MB: variants seen among roughly 807,000 people sequenced by gnomAD.
MB encodes the protein nitrite reductase MB.
A neutral mutation model predicts 14.5 loss-of-function variants in MB; 10 were observed. That is an observed-to-expected ratio of 0.69 (90% CI 0.43 to 1.17). The LOEUF (loss-of-function observed/expected upper bound fraction) is 1.17, where lower values mean the gene tolerates loss of function less well. Among genes scored for constraint, MB ranks in the 50% most tolerant of loss-of-function variants. The pLI, the probability that MB is intolerant of heterozygous loss-of-function variation, is 0.00. For missense variants in MB, 169 were observed against 192.7 expected (o/e 0.88, Z 0.73); for synonymous variants, 89 against 78.6 (o/e 1.13, Z -0.70).
At position 35,611,065 on chromosome 22, in the gene MB, T is replaced by G. The variant is rs756184068; in HGVS notation, c.137A>C (p.Lys46Thr). 6.2e-7 allele frequency: 1 copy of G among 1,614,114 alleles called. No individual in the cohort carries two copies. The highest frequency in any genetic ancestry group is 8.5e-7 in the Non-Finnish European group (1 of 1,180,006). ...GHPETLEKFD[K>T]FKHLKSEDEM... Reference sequence around the variant, plus strand: ...GTCCTCTGACTTCAGGTGCTTGAACTTGTCAAACTTCTCCAGAGTCTCTGG... The same window carrying G: ...GTCCTCTGACTTCAGGTGCTTGAACGTGTCAAACTTCTCCAGAGTCTCTGG... Residue 46 changes from lysine (K) to threonine (T), a missense_variant, in exon 2 of 3, where the codon AAG becomes ACG. Coordinates refer to ENST00000397326, the MANE Select transcript of MB (RefSeq NM_005368.3).
chr22:35,619,358 C>T (rs1400908759), upstream of MB, among the ~76,000 whole-genome samples: 3 of 152,214 alleles, frequency 2.0e-5, no homozygotes, highest in Non-Finnish European at 2.9e-5. Flanking sequence ...GCGAGCACCA[C>T]CCCGCTTTAC....
chr22:35,618,782 A>G (rs575344541), upstream of MB, among the ~76,000 whole-genome samples: 1 of 148,848 alleles, frequency 6.7e-6, no homozygotes, highest in East Asian at 2.0e-4. Context: ...CCATCCCTCA[A>G]TTCATTCATC....
intron 2 of MB, among the ~76,000 whole-genome samples, chr22:35,607,647 C>A (rs2145908964): frequency 6.6e-6 from 1 of 152,308 alleles, no homozygotes; most frequent in East Asian, 1.9e-4. Flanking sequence ...TACAACTGCC[C>A]TCGATTTACA....
intron 1 of MB, among the ~76,000 whole-genome samples, chr22:35,613,357 G>A (rs978023184): frequency 1.3e-5 from 2 of 152,192 alleles, no homozygotes; most frequent in East Asian, 1.9e-4. Flanking sequence ...CAGTTCTGGC[G>A]CCAATGTGCT....
chr22:35,622,901 C>T (rs998204949), intron 1 of MB, among the ~76,000 whole-genome samples: 3 of 152,190 alleles, frequency 2.0e-5, no homozygotes, highest in Non-Finnish European at 4.4e-5. Context: ...CCTCCCACCC[C>T]GCTCTACCCA....
chr22:35,617,109 C>G, intron 1 of MB, 54 bp downstream of exon 1: 1 of 1,418,324 alleles, frequency 7.1e-7, no homozygotes, highest in South Asian at 1.1e-5. Context: ...TGCAGCTGAA[C>G]ACCCTTGATC....
intron 2 of MB, 95 bp downstream of exon 2, chr22:35,610,789 C>A: frequency 2.1e-6 from 2 of 959,012 alleles, no homozygotes; most frequent in Non-Finnish European, 1.6e-6. Context: ...GGTCATCCCA[C>A]AAGTTAGTGG....
At chr22:35,611,535 T>G (rs1489925856) in intron 1 of MB, among the ~76,000 whole-genome samples, 1 of 152,146 alleles carries the variant, frequency 6.6e-6, no homozygotes, top group Non-Finnish European at 1.5e-5. Context: ...CTTCAGCTGC[T>G]TAAATACCTC....
At chr22:35,620,924 T>G (rs1025807118), upstream of MB, among the ~76,000 whole-genome samples, 14 of 152,334 alleles carry the variant, frequency 9.2e-5, no homozygotes, top group East Asian at 2.7e-3. Flanking sequence ...CCCCATTAAC[T>G]GGCATGCTCA....
upstream of MB, chr22:35,617,471 G>A (rs552905942): frequency 3.5e-6 from 2 of 572,434 alleles, no homozygotes; most frequent in Admixed American, 3.1e-5. Flanking sequence ...CCTTTCTCTA[G>A]CCCTCACATG....
upstream of MB, chr22:35,617,685 G>C (rs1188229610): frequency 5.8e-6 from 1 of 172,876 alleles, no homozygotes; most frequent in Non-Finnish European, 1.2e-5. Context: ...AAGAGGACCT[G>C]TCATGTTTCT....
chr22:35,618,247 AG>A (rs1923228752), upstream of MB, among the ~76,000 whole-genome samples: 1 of 152,230 alleles, frequency 6.6e-6, no homozygotes, highest in South Asian at 2.1e-4. Flanking sequence ...ATTTGAACTC[AG>A]GAAGCCACGC....
chr22:35,613,602 C>T (rs1036903525), intron 1 of MB, among the ~76,000 whole-genome samples: 7 of 152,054 alleles, frequency 4.6e-5, no homozygotes, highest in Non-Finnish European at 7.4e-5. Context: ...CCCAAGTGAT[C>T]CTCCTACCTC....
At chr22:35,615,132 C>T (rs993013129) in intron 1 of MB, among the ~76,000 whole-genome samples, 2 of 152,118 alleles carry the variant, frequency 1.3e-5, no homozygotes, top group Non-Finnish European at 2.9e-5. Flanking sequence ...GGAATTTGCC[C>T]TCTTTTACAA....
intron 1 of MB, among the ~76,000 whole-genome samples, chr22:35,613,251 G>T (rs1165318029): frequency 6.6e-6 from 1 of 152,252 alleles, no homozygotes; most frequent in Non-Finnish European, 1.5e-5. Flanking sequence ...CCACAAGGCA[G>T]CTGGGGGTCT....
At position 35,611,106 on chromosome 22, in the gene MB, C is replaced by T. The variant is rs771836779; in HGVS notation, c.96G>A (p.Arg32=). The change falls in exon 2 of 3, where the codon AGG becomes AGA. Residue 32 remains arginine, a splice_region_variant and synonymous_variant. Transcript: ENST00000397326. ...GAGTCTCTGGGTGACCCTTAAAGAG[C>T]CTGTGGGCACAGGGAAGGCTGGAGT... ...IPGHGQEVLI[R]LFKGHPETLE... is the part of the protein sequence containing the mutation. The T allele has an allele frequency of 6.2e-7, 1 of 1,612,632 alleles. No individual in the cohort carries two copies. The highest frequency in any genetic ancestry group is 8.5e-7 in the Non-Finnish European group (1 of 1,179,066).
At chr22:35,610,063 G>A (rs563108785) in intron 2 of MB, among the ~76,000 whole-genome samples, 1 of 152,224 alleles carries the variant, frequency 6.6e-6, no homozygotes, top group East Asian at 1.9e-4. Flanking sequence ...CATCCCAGCG[G>A]GTAGCTATCA....
In MB at chr22:35,608,433, C is replaced by T. The variant is rs990257835; in HGVS notation, c.319-990G>A. On this transcript the variant is annotated intron_variant, in intron 2 of 2. Coordinates refer to ENST00000397326, the MANE Select transcript of MB (RefSeq NM_005368.3). This position sits in a 1 kb window ranked among gnomAD's most constrained non-coding sequence, Gnocchi z 4.3. ...GTGGCTGAACCAAGGCTGGGTTTCT[C>T]GTTTTCTCAGGGCCCCAGGGTGCAA... Among the ~76,000 whole-genome samples the T allele has an allele frequency of 5.9e-5, 9 of 152,318 alleles. No homozygotes were observed. Among genetic ancestry groups the T allele is most frequent in the South Asian group, 2.1e-4 (1 of 4,822 alleles).
In MB at chr22:35,609,827, G is replaced by A. The variant is rs536687227; in HGVS notation, c.318+1057C>T. 1.8e-4 allele frequency among the ~76,000 whole-genome samples: 27 copies of A among 152,330 alleles called. No individual in the cohort carries two copies. In the South Asian group the frequency reaches 5.6e-3, roughly 32 times the overall value. On this transcript the variant is annotated intron_variant, in intron 2 of 2. Coordinates refer to ENST00000397326, the MANE Select transcript of MB (RefSeq NM_005368.3). ...CCTTTCCCAGCTTCCCGTGCAGACA[G>A]GATGGCTCCGTAACTAACTTCTGGC...
Sources: allele counts gnomAD v4.1 joint callset (sites outside exome capture counted in the v4.1 genomes callset), GRCh38; gene constraint gnomAD v4.1.1; non-coding constraint Gnocchi (gnomAD v3.1); transcripts MANE v1.5; gene names NCBI Gene and HGNC (gene_info 2026-07-23, HGNC 2026-07-21).